EDRF1: variants seen among roughly 807,000 people sequenced by gnomAD.
The protein encoded by EDRF1 is erythroid differentiation regulatory factor 1.
In EDRF1, 69 loss-of-function variants were observed where a neutral mutation model predicts 148.7. That is an observed-to-expected ratio of 0.46 (90% CI 0.38 to 0.57). The LOEUF (loss-of-function observed/expected upper bound fraction) is 0.57, where lower values mean the gene tolerates loss of function less well. Ranked by LOEUF, EDRF1 falls within the 20% of genes least tolerant of loss-of-function variation. The probability of loss-of-function intolerance (pLI) is 0.00; values close to 1 mark genes in which losing one functional copy is unlikely to be tolerated. For synonymous variants in EDRF1, 515 were observed against 532.8 expected, an observed-to-expected ratio of 0.97 and a Z score of 0.46; for missense variants, 1,118 against 1,478.7, an observed-to-expected ratio of 0.76 and a Z score of 4.00.
chr10:125,742,253 G>A (rs902104032), intron 17 of EDRF1: 19 of 1,289,144 alleles, frequency 1.5e-5, no homozygotes, highest in South Asian at 6.2e-5. Flanking sequence ...AATCTGATCC[G>A]CAGCAGCGAT....
At chr10:125,750,243 A>C (rs1164540827) in intron 22 of EDRF1, among the ~76,000 whole-genome samples, 1 of 152,218 alleles carries the variant, frequency 6.6e-6, no homozygotes, top group African/African-American at 2.4e-5. Context: ...AACCCCTTAA[A>C]CATAGAACTG....
chr10:125,753,801 C>A lies in EDRF1; in HGVS notation c.3501C>A (p.Leu1167=), dbSNP rs1366440927. The change falls in exon 24 of 25, where the codon CTC becomes CTA. Residue 1167 remains leucine, a synonymous_variant. Coordinates refer to ENST00000356792, the MANE Select transcript of EDRF1 (RefSeq NM_001202438.2). ...SIFESRLSFL[L]LQSIKLLSST... Reference sequence around the variant, plus strand: ...TTGAGTCTCGGTTGTCATTTCTTCTCCTTCAGTCCATTAAACTGCTATCTT... The same window carrying A: ...TTGAGTCTCGGTTGTCATTTCTTCTACTTCAGTCCATTAAACTGCTATCTT... 3 of 1,613,588 alleles carry A rather than the reference C, an allele frequency of 1.9e-6. No individual in the cohort carries two copies. In the South Asian group the frequency reaches 3.3e-5, roughly 18 times the overall value.
chr10:125,722,966 ATG>A, intron 2 of EDRF1, 100 bp from the exon 3 acceptor site: 1 of 996,616 alleles, frequency 1.0e-6, no homozygotes, highest in South Asian at 1.3e-5. Context: ...AATGTGGAAA[ATG>A]TGTATCCTAG....
intron 24 of EDRF1, among the ~76,000 whole-genome samples, chr10:125,757,409 A>ATTATACGTTTTTGTTG (rs1564755037): frequency 2.6e-5 from 4 of 152,178 alleles, no homozygotes; most frequent in African/African-American, 9.7e-5. Context: ...TTGTACTGTT[A>ATTATACGTTTTTGTTG]TTATACGTTT....
chr10:125,723,159 T>C (rs1018162353), intron 3 of EDRF1, 25 bp downstream of exon 3: 45 of 1,606,058 alleles, frequency 2.8e-5, no homozygotes, highest in Non-Finnish European at 3.8e-5. Flanking sequence ...TCGCTTAATG[T>C]AATTTTGGAG....
At chr10:125,738,593 C>A in intron 15 of EDRF1, 148 bp downstream of exon 15, 1 of 963,898 alleles carries the variant, frequency 1.0e-6, no homozygotes, top group Non-Finnish European at 1.6e-6. Flanking sequence ...AGTATTCTTT[C>A]ATTTGAAATA....
chr10:125,745,649 T>G, intron 18 of EDRF1, 58 bp from the exon 19 acceptor site: 1 of 1,567,044 alleles, frequency 6.4e-7, no homozygotes, highest in South Asian at 1.1e-5. Context: ...CAAGAGACAG[T>G]GCTAAGGTTT....
intron 19 of EDRF1, 46 bp downstream of exon 19, chr10:125,745,976 C>A: frequency 6.4e-7 from 1 of 1,566,234 alleles, no homozygotes; most frequent in Non-Finnish European, 8.8e-7. Flanking sequence ...TCACACCTGT[C>A]ATTTATTTAC....
chr10:125,745,959 C>A (rs753449203), intron 19 of EDRF1, 29 bp downstream of exon 19: 2 of 1,589,468 alleles, frequency 1.3e-6, no homozygotes, highest in South Asian at 2.2e-5. Flanking sequence ...TGTTGGGCCT[C>A]ACCCATTCAC....
intron 19 of EDRF1, 120 bp from the exon 20 acceptor site, chr10:125,747,414 CTT>C: frequency 8.8e-7 from 1 of 1,132,506 alleles, no homozygotes; most frequent in Non-Finnish European, 1.3e-6. Flanking sequence ...AATATTGTCT[CTT>C]TATAAATTAT....
intron 18 of EDRF1, among the ~76,000 whole-genome samples, chr10:125,743,579 TTC>T: frequency 6.6e-6 from 1 of 152,326 alleles, no homozygotes; most frequent in South Asian, 2.1e-4. Flanking sequence ...TAAAATATGG[TTC>T]TCTCTTCATG....
At position 125,735,553 on chromosome 10, in the gene EDRF1, A is replaced by G. The variant is rs1460832667; in HGVS notation, c.1498-91A>G. 6.2e-6 allele frequency: 8 copies of G among 1,287,370 alleles called. No homozygotes were observed. In the Admixed American group the frequency reaches 1.3e-4, roughly 21 times the overall value. The allele number at this position is 1,287,370 out of a possible 1,614,324, so 79.7% of individuals were successfully genotyped here. ...TATATGGTGGAAACAGCCTGTGTGC[A>G]GACCTCCTCCTAAAATTCGTTAGTA... On this transcript the variant is annotated intron_variant, in intron 12 of 24. Transcript: ENST00000356792.
At chr10:125,731,567 A>G (rs1301273494) in intron 9 of EDRF1, among the ~76,000 whole-genome samples, 1 of 152,216 alleles carries the variant, frequency 6.6e-6, no homozygotes, top group African/African-American at 2.4e-5. Flanking sequence ...TGTTGAGCTA[A>G]GGAGTATGGA....
At position 125,729,060 on chromosome 10, in the gene EDRF1, G is replaced by C; in HGVS notation, c.850G>C (p.Glu284Gln). The change falls in exon 7 of 25, where the codon GAA (glutamate) becomes CAA (glutamine). Residue 284 changes from glutamate (E) to glutamine (Q), a missense_variant. By Grantham distance (29) the Glu-to-Gln change is conservative. Transcript: ENST00000356792. ...GGGGCATGTGGCCTCAGCCCCCAAA[G>C]AACAAAACCTGATTACTTTATTCAA... ...IVGHVASAPK[E>Q]QNLITLFNDG... The C allele has an allele frequency of 5.1e-6, 8 of 1,580,950 alleles. No homozygotes were observed. The highest frequency in any genetic ancestry group is 6.8e-6 in the Non-Finnish European group (8 of 1,170,930).
Position 125,753,765 on chromosome 10 carries a change from C to T in EDRF1, c.3465C>T (p.Leu1155=), listed in dbSNP as rs781756316. ...PSLNREEVMK[L]LSIFESRLSF... ...TCAATCGAGAAGAAGTGATGAAACT[C>T]CTCAGTATATTTGAGTCTCGGTTGT... Residue 1155 remains leucine (L), a synonymous_variant, in exon 24 of 25, where the codon CTC becomes CTT. Coordinates refer to ENST00000356792, the MANE Select transcript of EDRF1 (RefSeq NM_001202438.2). The T allele has an allele frequency of 3.1e-6, 5 of 1,613,824 alleles. No homozygotes were observed. In the South Asian group the frequency reaches 3.3e-5, roughly 11 times the overall value.
At chr10:125,723,642 G>A (rs1022475928) in intron 3 of EDRF1, among the ~76,000 whole-genome samples, 169 bp from the exon 4 acceptor site, 1 of 152,170 alleles carries the variant, frequency 6.6e-6, no homozygotes, top group African/African-American at 2.4e-5. Flanking sequence ...TGGTTTGAAA[G>A]CTCCGTCCTC....
intron 1 of EDRF1, among the ~76,000 whole-genome samples, chr10:125,720,857 T>G (rs963187614): frequency 6.6e-6 from 1 of 150,972 alleles, no homozygotes; most frequent in Admixed American, 6.6e-5. Flanking sequence ...ATACTGAAAA[T>G]AGGCTTTACT....
intron 13 of EDRF1, among the ~76,000 whole-genome samples, chr10:125,737,000 C>T (rs548859381): frequency 6.6e-6 from 1 of 152,174 alleles, no homozygotes; most frequent in African/African-American, 2.4e-5. Context: ...ATGTCTAGAA[C>T]ACATTATGGG....
chr10:125,745,908 A>T lies in EDRF1; in HGVS notation c.2792A>T (p.Glu931Val). 2 of 1,614,198 alleles carry T rather than the reference A, an allele frequency of 1.2e-6. No homozygotes were observed. The highest frequency in any genetic ancestry group is 1.7e-6 in the Non-Finnish European group (2 of 1,180,042). The change falls in exon 19 of 25, where the codon GAA becomes GTA. Residue 931 changes from glutamate (E) to valine (V), a missense_variant. Transcript: ENST00000356792. Reference protein sequence around the residue: ...GDELKREFSPEEGLYYNKAID... With the variant: ...GDELKREFSPVEGLYYNKAID... ...GAACTGAAACGTGAATTTTCACCAGAAGAAGGCTTGTATTATAATAAGGTA... is the reference window on the plus strand; with the variant it reads ...GAACTGAAACGTGAATTTTCACCAGTAGAAGGCTTGTATTATAATAAGGTA...
Sources: allele counts gnomAD v4.1 joint callset (sites outside exome capture counted in the v4.1 genomes callset), GRCh38; gene constraint gnomAD v4.1.1; transcripts MANE v1.5; gene names NCBI Gene and HGNC (gene_info 2026-07-23, HGNC 2026-07-21).